Variants in EP400 observed in about 807,000 individuals in gnomAD.
EP400 encodes the protein E1A binding protein p400.
EP400 carries 105 observed loss-of-function variants against 354.1 expected under a neutral mutation model. The observed-to-expected ratio is 0.30, with a 90% CI of 0.25 to 0.35. The LOEUF is 0.35. Among genes scored for constraint, EP400 ranks in the 10% least tolerant of loss-of-function variants. The pLI is 1.00. For synonymous variants in EP400, 1,646 were observed against 1,716.9 expected (o/e 0.96, Z 1.02); for missense variants, 3,280 against 4,121.0 (o/e 0.80, Z 5.59).
intron 2 of EP400, among the ~76,000 whole-genome samples, chr12:131,975,084 A>C (rs1335389077): frequency 6.6e-6 from 1 of 152,050 alleles, no homozygotes; most frequent in African/African-American, 2.4e-5. Context: ...CTGAAAACCA[A>C]GGCTGAGTGT....
intron 47 of EP400, among the ~76,000 whole-genome samples, chr12:132,064,122 C>T (rs1895808065): frequency 6.6e-6 from 1 of 151,810 alleles, no homozygotes; most frequent in Non-Finnish European, 1.5e-5. Flanking sequence ...GCCTTGTCAC[C>T]TGCCCCGGTT....
chr12:131,964,342 C>T (rs1292612266), intron 2 of EP400, among the ~76,000 whole-genome samples: 2 of 152,030 alleles, frequency 1.3e-5, no homozygotes, highest in Admixed American at 1.3e-4. Flanking sequence ...TGGTGCATGC[C>T]TATAATCCCG....
intron 52 of EP400, among the ~76,000 whole-genome samples, chr12:132,076,829 C>A (rs531804842): frequency 6.6e-6 from 1 of 152,368 alleles, no homozygotes; most frequent in East Asian, 1.9e-4. Context: ...ACCCTTCATT[C>A]ACTGATCATC....
chr12:132,006,856 G>A lies in EP400; in HGVS notation c.3283G>A (p.Ala1095Thr). The A allele has an allele frequency of 1.2e-6, 2 of 1,613,166 alleles. No individual in the cohort carries two copies. Among genetic ancestry groups the A allele is most frequent in the Non-Finnish European group, 1.7e-6 (2 of 1,179,776 alleles). Residue 1095 changes from alanine (A) to threonine (T), a missense_variant, in exon 15 of 53, where the codon GCC becomes ACC. Ala to Thr is a moderately conservative substitution (Grantham distance 58, BLOSUM62 0). Transcript: ENST00000389561. ...GKTVQIIAFF[A>T]HLACNEGNWG... Reference sequence around the variant, plus strand: ...AACAGTGCAGATCATTGCTTTTTTTGCCCACCTAGCTTGTAACGAAGGTAA... The same window carrying A: ...AACAGTGCAGATCATTGCTTTTTTTACCCACCTAGCTTGTAACGAAGGTAA...
intron 45 of EP400, among the ~76,000 whole-genome samples, chr12:132,057,397 G>A (rs980040098): frequency 6.6e-6 from 1 of 152,188 alleles, no homozygotes; most frequent in Admixed American, 6.5e-5. Context: ...GCAGCTAAGT[G>A]AACAGTTTCA....
At position 132,021,224 on chromosome 12, in the gene EP400, GC is replaced by G; in HGVS notation, c.4598del (p.Pro1533ArgfsTer35). ...TTAQASTPGQ[P>X]PPQPQAPSHA... is the part of the protein sequence containing the mutation. ...CAGCACAGGCCTCCACCCCAGGCCA[GC>G]CCCCGCCCCAGCCCCAGGCCCCCTC... On this transcript the variant is annotated frameshift_variant, in exon 23 of 53. Transcript: ENST00000389561. LOFTEE classifies it high-confidence loss of function. 6.3e-7 allele frequency: 1 copy of G among 1,584,474 alleles called. No individual in the cohort carries two copies.
chr12:132,044,997 C>T (rs201871498), intron 37 of EP400, 44 bp downstream of exon 37: 1 of 1,605,350 alleles, frequency 6.2e-7, no homozygotes, highest in African/African-American at 1.3e-5. Flanking sequence ...GGGCCCTGGC[C>T]TGCAGAATCC....
Position 132,055,001 on chromosome 12 carries a change from G to A in EP400, c.7756G>A (p.Gly2586Arg). The A allele has an allele frequency of 1.2e-6, 2 of 1,613,866 alleles. No individual in the cohort carries two copies. Among genetic ancestry groups the A allele is most frequent in the South Asian group, 1.1e-5 (1 of 91,068 alleles). ...AGGAACCATTAAAACATCAGTTACT[G>A]GGACGAGCATGCCCACTGGTAAGAC... The part of the protein sequence containing the change: ...LAGTIKTSVT[G>R]TSMPTGAVSG... Residue 2586 changes from glycine (G) to arginine (R), a missense_variant, in exon 44 of 53, where the codon GGG (glycine) becomes AGG (arginine). By Grantham distance (125) the Gly-to-Arg change is moderately radical. Coordinates refer to ENST00000389561, the MANE Select transcript of EP400 (RefSeq NM_015409.5).
rs1229583290 is a variant in EP400 at position 132,078,825 on chromosome 12, C to T, written c.*1152C>T. On this transcript the variant is annotated 3_prime_UTR_variant, in exon 53 of 53. Coordinates refer to ENST00000389561, the MANE Select transcript of EP400 (RefSeq NM_015409.5). The stretch of plus-strand genomic sequence containing the variant: ...ACCTGTGCTGTTGTGGAAGGCGTGC[C>T]GTTGAGGGGGAAAACGAAGCCCAGT... 2 of 152,192 alleles carry T rather than the reference C, an allele frequency of 1.3e-5. No individual in the cohort carries two copies. The highest frequency in any genetic ancestry group is 2.4e-5 in the African/African-American group (1 of 41,450). 9.4% of individuals were successfully genotyped at this position (152,192 alleles called of 1,614,324 possible).
At chr12:131,964,060 A>G (rs1891992929) in intron 2 of EP400, among the ~76,000 whole-genome samples, 1 of 152,262 alleles carries the variant, frequency 6.6e-6, no homozygotes, top group Non-Finnish European at 1.5e-5. Context: ...GGAAATGCTG[A>G]AGTGAAATAC....
chr12:132,074,429 GTTGTCT>G (rs1896166911), intron 51 of EP400, among the ~76,000 whole-genome samples: 1 of 152,270 alleles, frequency 6.6e-6, no homozygotes, highest in Non-Finnish European at 1.5e-5. Flanking sequence ...TTACTGAGAC[GTTGTCT>G]TTGTCTTTGT....
rs755855585 is a variant in EP400 at position 131,987,851 on chromosome 12, T to C, written c.2370T>C (p.Phe790=). ...LEEMQWMATD[F]AQERRWKVAA... ...AGATGCAGTGGATGGCCACAGACTT[T>C]GCCCAGGAGAGGAGGTGGAAGGTGG... Residue 790 remains phenylalanine, a synonymous_variant, in exon 7 of 53, where the codon TTT becomes TTC. Transcript: ENST00000389561. 5 of 1,612,882 alleles carry C rather than the reference T, an allele frequency of 3.1e-6. No individual in the cohort carries two copies. The South Asian group carries it at 5.5e-5, about 18-fold the overall frequency.
rs780988544 is a variant in EP400, at chr12:132,029,934, G to A, written c.5584+31G>A. 4.3e-6 allele frequency: 7 copies of A among 1,611,334 alleles called. No individual in the cohort carries two copies. Among genetic ancestry groups the A allele is most frequent in the African/African-American group, 2.7e-5 (2 of 74,930 alleles). On this transcript the variant is annotated intron_variant, in intron 28 of 52. Coordinates refer to ENST00000389561, the MANE Select transcript of EP400 (RefSeq NM_015409.5). The surrounding 1 kb of genome is among the most constrained non-coding windows in gnomAD (Gnocchi z 4.7). ...CGGCAGTTGGGGGCGTGGCCCGTGC[G>A]GGAGCTGCACCGGCCCTGGATGATG... is the stretch of plus-strand genomic sequence containing the variant.
Position 132,018,516 on chromosome 12 carries a change from C to A in EP400, c.4277+140C>A. Reference sequence around the variant, plus strand: ...CTTGGGACCTTGCTGGTGTCCTTGGCTGTGGTATGCCTGGCTCTGCAGATG... The same window carrying A: ...CTTGGGACCTTGCTGGTGTCCTTGGATGTGGTATGCCTGGCTCTGCAGATG... On this transcript the variant is annotated intron_variant, in intron 21 of 52. Coordinates refer to ENST00000389561, the MANE Select transcript of EP400 (RefSeq NM_015409.5). The surrounding 1 kb of genome is among the most constrained non-coding windows in gnomAD (Gnocchi z 4.0). 2 of 1,240,090 alleles carry A rather than the reference C, an allele frequency of 1.6e-6. No individual in the cohort carries two copies. Among genetic ancestry groups the A allele is most frequent in the Non-Finnish European group, 1.1e-6 (1 of 915,794 alleles). 76.8% of individuals were successfully genotyped at this position (1,240,090 alleles called of 1,614,324 possible).
chr12:131,956,135 G>A (rs1006168662), intron 1 of EP400, among the ~76,000 whole-genome samples: 2 of 152,152 alleles, frequency 1.3e-5, no homozygotes. Context: ...TGTCATGCCA[G>A]TGACCCACGC....
intron 6 of EP400, among the ~76,000 whole-genome samples, chr12:131,987,091 A>G (rs994516337): frequency 6.6e-6 from 1 of 152,162 alleles, no homozygotes; most frequent in African/African-American, 2.4e-5. Flanking sequence ...GCGGAGAGGG[A>G]CAAGCTTGAG....
chr12:131,956,832 A>C (rs1428751672), intron 1 of EP400, among the ~76,000 whole-genome samples: 1 of 149,646 alleles, frequency 6.7e-6, no homozygotes, highest in African/African-American at 2.4e-5. Flanking sequence ...AAGCTGGTTA[A>C]GTACATGCTT....
rs1892997892 is a variant in EP400, at chr12:131,990,516, T to C, written c.2551-120T>C. 1 of 734,664 alleles carries C rather than the reference T, an allele frequency of 1.4e-6. No homozygotes were observed. The highest frequency in any genetic ancestry group is 2.6e-5 in the East Asian group (1 of 38,926). The allele number at this position is 734,664 out of a possible 1,614,324, so 45.5% of individuals were successfully genotyped here. A position where few individuals can be genotyped will look rare whatever the true frequency, so the allele number is the denominator to read the frequency against. Reference sequence around the variant, plus strand: ...TGAAATAAATGAAAAAGCACCAAACTGACGAGGCTGGAAAACACTGTTTTC... The same window carrying C: ...TGAAATAAATGAAAAAGCACCAAACCGACGAGGCTGGAAAACACTGTTTTC... On this transcript the variant is annotated intron_variant, in intron 8 of 52. Coordinates refer to ENST00000389561, the MANE Select transcript of EP400 (RefSeq NM_015409.5). The surrounding 1 kb of genome is among the most constrained non-coding windows in gnomAD (Gnocchi z 4.2).
At chr12:132,073,468 T>G (rs1296233917) in intron 51 of EP400, among the ~76,000 whole-genome samples, 5 of 147,452 alleles carry the variant, frequency 3.4e-5, no homozygotes, top group Non-Finnish European at 7.4e-5. Context: ...CCTTTTTTTT[T>G]TTTTTGACAC....
Sources: allele counts gnomAD v4.1 joint callset (sites outside exome capture counted in the v4.1 genomes callset), GRCh38; gene constraint gnomAD v4.1.1; non-coding constraint Gnocchi (gnomAD v3.1); transcripts MANE v1.5; gene names NCBI Gene and HGNC (gene_info 2026-07-23, HGNC 2026-07-21).